Variants in FAAH2 observed in about 807,000 individuals in gnomAD.
FAAH2 encodes fatty-acid amide hydrolase 2.
Under a neutral mutation model 36.9 loss-of-function variants are expected in FAAH2, and 60 were observed. That is an observed-to-expected ratio of 1.63 (90% CI 1.32 to 2.02). The LOEUF is 2.02. Among genes scored for constraint, FAAH2 ranks in the 30% most tolerant of loss-of-function variants. FAAH2 has a pLI of 0.00. For missense variants in FAAH2, 689 were observed against 397.5 expected, an observed-to-expected ratio of 1.73 and a Z score of -6.23; for synonymous variants, 214 against 143.8, an observed-to-expected ratio of 1.49 and a Z score of -3.49.
chrX:57,470,260 T>G (rs976281158), intron 10 of FAAH2, among the ~76,000 whole-genome samples: 1 of 110,517 alleles, frequency 9.0e-6, no homozygotes, highest in Non-Finnish European at 1.9e-5. Flanking sequence ...AGAGAAAAAC[T>G]GAAGGAGATA....
chrX:57,127,986 C>A, the FAAH2 span, among the ~76,000 whole-genome samples: 1 of 111,944 alleles, frequency 8.9e-6, no homozygotes, highest in East Asian at 2.8e-4. Context: ...TATAATATTT[C>A]AAATGATACA....
At chrX:57,450,587 C>T (rs1216625856) in intron 10 of FAAH2, among the ~76,000 whole-genome samples, 1 of 111,443 alleles carries the variant, frequency 9.0e-6, no homozygotes, top group Non-Finnish European at 1.9e-5. Context: ...TGTTGGATGC[C>T]AAATAGGTTA....
At chrX:57,191,536 G>A in the FAAH2 span, among the ~76,000 whole-genome samples, 1 of 111,456 alleles carries the variant, frequency 9.0e-6, no homozygotes, top group Non-Finnish European at 1.9e-5. Flanking sequence ...GGCTATGCTT[G>A]TAGGGTATTA....
the FAAH2 span, among the ~76,000 whole-genome samples, chrX:57,235,094 A>G: frequency 2.7e-5 from 3 of 110,931 alleles, no homozygotes; most frequent in Non-Finnish European, 5.7e-5. Context: ...CTCTGTGCAC[A>G]CAATCCAGGT....
intron 10 of FAAH2, among the ~76,000 whole-genome samples, chrX:57,479,186 C>T (rs1307976337): frequency 9.0e-6 from 1 of 111,074 alleles, no homozygotes; most frequent in Non-Finnish European, 1.9e-5. Context: ...TGTAGTTCTC[C>T]TTGAAGAGGT....
At chrX:57,476,736 G>C in intron 10 of FAAH2, among the ~76,000 whole-genome samples, 2 of 111,152 alleles carry the variant, frequency 1.8e-5, no homozygotes, top group Middle Eastern at 4.6e-3. Flanking sequence ...TTATTCTATT[G>C]TTTGGAATAG....
the FAAH2 span, among the ~76,000 whole-genome samples, chrX:57,152,553 A>T: frequency 8.9e-6 from 1 of 112,160 alleles, no homozygotes; most frequent in African/African-American, 3.2e-5. Context: ...CTCCGTGGGC[A>T]TAGTACCCTC....
intron 3 of FAAH2, among the ~76,000 whole-genome samples, chrX:57,324,165 A>G (rs756991572): frequency 4.5e-5 from 5 of 111,284 alleles, no homozygotes; most frequent in Non-Finnish European, 7.5e-5. Context: ...ATGTGGCATT[A>G]TTTCTGAGGG....
intron 2 of FAAH2, among the ~76,000 whole-genome samples, chrX:57,309,240 T>G (rs899614195): frequency 8.9e-6 from 1 of 111,899 alleles, no homozygotes; most frequent in Admixed American, 9.6e-5. Flanking sequence ...GCTGTAATTA[T>G]GTCCATTATA....
At chrX:57,478,505 G>T (rs1257956293) in intron 10 of FAAH2, among the ~76,000 whole-genome samples, 6 of 111,595 alleles carry the variant, frequency 5.4e-5, no homozygotes, top group Admixed American at 1.9e-4. Flanking sequence ...GATCCCATTT[G>T]TCAATTTTGG....
intron 8 of FAAH2, among the ~76,000 whole-genome samples, chrX:57,438,790 C>T (rs776278045): frequency 1.1e-5 from 1 of 94,068 alleles, no homozygotes; most frequent in Non-Finnish European, 2.1e-5. Flanking sequence ...TGTGATGTTC[C>T]CCTTCCTGTG....
the FAAH2 span, among the ~76,000 whole-genome samples, chrX:57,197,864 C>A: frequency 8.9e-6 from 1 of 112,181 alleles, no homozygotes; most frequent in East Asian, 2.8e-4. Context: ...GTTGTGCTAG[C>A]AGTGAACTTG....
chrX:57,420,183 G>T (rs1037201590), intron 7 of FAAH2, among the ~76,000 whole-genome samples: 1 of 110,931 alleles, frequency 9.0e-6, no homozygotes, highest in African/African-American at 3.3e-5. Context: ...TTTGGCTTAG[G>T]ATTGACTTGG....
At chrX:57,308,354 G>A (rs886610669) in intron 2 of FAAH2, among the ~76,000 whole-genome samples, 3 of 111,103 alleles carry the variant, frequency 2.7e-5, no homozygotes, top group Non-Finnish European at 5.7e-5. Context: ...TCTAATTGTG[G>A]TTTTTATTTG....
intron 3 of FAAH2, among the ~76,000 whole-genome samples, chrX:57,311,581 G>A (rs992032554): frequency 8.9e-6 from 1 of 112,006 alleles, no homozygotes; most frequent in Non-Finnish European, 1.9e-5. Context: ...CAATCCCCAA[G>A]TCTTCCCATT....
the FAAH2 span, among the ~76,000 whole-genome samples, chrX:57,178,890 C>A: frequency 1.8e-5 from 2 of 111,687 alleles, no homozygotes; most frequent in African/African-American, 6.5e-5. Context: ...AGACAGAAAC[C>A]ATAGATTTCA....
At chrX:57,381,347 G>C (rs2054843252) in intron 7 of FAAH2, among the ~76,000 whole-genome samples, 1 of 111,014 alleles carries the variant, frequency 9.0e-6, no homozygotes, top group African/African-American at 3.3e-5. Context: ...GTAAATTTTA[G>C]GTAATAGAGA....
At chrX:57,352,277 G>A (rs1056357306) in intron 5 of FAAH2, among the ~76,000 whole-genome samples, 11 of 103,455 alleles carry the variant, frequency 1.1e-4, no homozygotes, top group Middle Eastern at 5.0e-3. Context: ...TGATTAAGTG[G>A]GTGTTATACC....
chrX:57,363,307 T>C (rs2054330879), intron 5 of FAAH2, among the ~76,000 whole-genome samples: 1 of 111,855 alleles, frequency 8.9e-6, no homozygotes, highest in Non-Finnish European at 1.9e-5. Flanking sequence ...GCTATATTCC[T>C]AAGTATTTTA....
Sources: allele counts gnomAD v4.1 joint callset (sites outside exome capture counted in the v4.1 genomes callset), GRCh38; gene constraint gnomAD v4.1.1; transcripts MANE v1.5; gene names NCBI Gene and HGNC (gene_info 2026-07-23, HGNC 2026-07-21).